Variants in OPRM1 observed in about 807,000 individuals in gnomAD.
OPRM1 encodes mu-type opioid receptor.
A neutral mutation model predicts 31.8 loss-of-function variants in OPRM1; 27 were observed. That is an observed-to-expected ratio of 0.85 (90% CI 0.63 to 1.17). OPRM1 has a LOEUF of 1.17. Ranked by LOEUF, OPRM1 falls within the 50% of genes most tolerant of loss-of-function variation. The probability of loss-of-function intolerance (pLI) is 0.00; values close to 1 mark genes in which losing one functional copy is unlikely to be tolerated. For synonymous variants in OPRM1, 196 were observed against 189.9 expected (o/e 1.03, Z -0.26); for missense variants, 536 against 511.1 (o/e 1.05, Z -0.47).
intron 3 of OPRM1, among the ~76,000 whole-genome samples, chr6:154,111,752 TTTTA>T (rs3070806): frequency 0.9 from 133,649 of 149,246 alleles, 59,936 homozygotes; most frequent in East Asian, 0.98. Flanking sequence ...TATAGTTTAT[TTTTA>T]TTTATTTATT....
chr6:154,232,365 C>T (rs1779789499), intron 3 of OPRM1, among the ~76,000 whole-genome samples: 1 of 152,188 alleles, frequency 6.6e-6, no homozygotes, highest in Admixed American at 6.5e-5. Flanking sequence ...TCTTGAGTAA[C>T]ATCTAATAAG....
intron 3 of OPRM1, chr6:154,093,326 G>A: frequency 6.2e-7 from 1 of 1,613,846 alleles, no homozygotes; most frequent in Non-Finnish European, 8.5e-7. Context: ...GCTTGGTTGT[G>A]TACCCTGGAC....
chr6:154,091,674 T>C (rs762232205), intron 3 of OPRM1: 1 of 1,353,070 alleles, frequency 7.4e-7, no homozygotes, highest in South Asian at 2.1e-5. Flanking sequence ...CATTTAGGTA[T>C]AAAGATACAC....
In OPRM1 at chr6:154,219,985, A is replaced by AGTGTGTGTGT. The variant is rs57450665; in HGVS notation, c.1165-26673_1165-26664dup. Among the ~76,000 whole-genome samples, 395 of 140,134 alleles carry AGTGTGTGTGT rather than the reference A, an allele frequency of 2.8e-3. 1 individual carries two copies. Among genetic ancestry groups the AGTGTGTGTGT allele is most frequent in the African/African-American group, 7.1e-3 (268 of 37,988 alleles). 91.9% of individuals were successfully genotyped at this position (140,134 alleles called of 152,430 possible). On this transcript the variant is annotated intron_variant, in intron 3 of 3. Transcript: ENST00000337049. ...CAGAGCTGAGCGGATACCTGTAAGG[A>AGTGTGTGTGT]GTGTGTGTGTGTGTGTGTGTGTGTG... is the stretch of plus-strand genomic sequence containing the variant.
intron 3 of OPRM1, among the ~76,000 whole-genome samples, chr6:154,180,258 A>C (rs1382463201): frequency 6.6e-6 from 1 of 151,924 alleles, no homozygotes; most frequent in African/African-American, 2.4e-5. Flanking sequence ...CTTTTGTTAG[A>C]CTAGCTTAGG....
At chr6:154,150,848 A>T (rs1343795976) in intron 3 of OPRM1, among the ~76,000 whole-genome samples, 1 of 152,214 alleles carries the variant, frequency 6.6e-6, no homozygotes, top group East Asian at 1.9e-4. Context: ...GATTAGTATT[A>T]ATCAGTATCT....
intron 3 of OPRM1, among the ~76,000 whole-genome samples, chr6:154,221,754 G>C (rs1177535657): frequency 2.0e-5 from 3 of 152,012 alleles, no homozygotes; most frequent in Non-Finnish European, 2.9e-5. Context: ...GGCACCTCTA[G>C]TCCCAGCTAC....
In OPRM1 at chr6:154,091,306, T is replaced by G; in HGVS notation, c.998T>G (p.Leu333Arg). The stretch of plus-strand genomic sequence containing the variant: ...GCTCTAGGTTACACAAACAGCTGCC[T>G]CAACCCAGTCCTTTATGCATTTCTG... ...CIALGYTNSC[L>R]NPVLYAFLDE... The change falls in exon 3 of 4, where the codon CTC becomes CGC. Residue 333 changes from leucine to arginine, a missense_variant. By Grantham distance (102) the Leu-to-Arg change is moderately radical. Transcript: ENST00000330432. 1 of 1,614,234 alleles carries G rather than the reference T, an allele frequency of 6.2e-7. No individual in the cohort carries two copies. The highest frequency in any genetic ancestry group is 8.5e-7 in the Non-Finnish European group (1 of 1,180,042).
intron 3 of OPRM1, among the ~76,000 whole-genome samples, chr6:154,170,136 G>A (rs933850746): frequency 5.9e-5 from 9 of 152,162 alleles, no homozygotes; most frequent in Non-Finnish European, 1.3e-4. Context: ...TTCATCCTTT[G>A]ATGTTGCTTT....
chr6:154,194,792 AT>A (rs34540521), intron 3 of OPRM1, among the ~76,000 whole-genome samples: 14,346 of 152,152 alleles, frequency 0.094, 1,012 homozygotes, highest in African/African-American at 0.19. Context: ...ACTCATAGAG[AT>A]CTTTAGCCAC....
intron 3 of OPRM1, among the ~76,000 whole-genome samples, chr6:154,137,823 AT>A (rs1798096850): frequency 6.6e-6 from 1 of 152,338 alleles, no homozygotes; most frequent in African/African-American, 2.4e-5. Context: ...GACAAGAGGG[AT>A]GTTGGAAGAA....
upstream of OPRM1, among the ~76,000 whole-genome samples, chr6:154,035,603 C>T (rs1779256954): frequency 6.6e-6 from 1 of 152,020 alleles, no homozygotes; most frequent in African/African-American, 2.4e-5. Context: ...ATCATGTGTT[C>T]CATTAACAGC....
At chr6:154,035,080 T>A (rs879674232), upstream of OPRM1, among the ~76,000 whole-genome samples, 2 of 152,214 alleles carry the variant, frequency 1.3e-5, no homozygotes, top group Non-Finnish European at 2.9e-5. Flanking sequence ...TGTGTAATCC[T>A]ATAAACCCTC....
At chr6:154,171,061 G>A (rs1799830043) in intron 3 of OPRM1, among the ~76,000 whole-genome samples, 1 of 152,122 alleles carries the variant, frequency 6.6e-6, no homozygotes, top group Non-Finnish European at 1.5e-5. Context: ...TTAGAAAATA[G>A]TTTGTCCATT....
chr6:154,154,503 TATA>T (rs953009170), intron 3 of OPRM1: 1 of 152,176 alleles, frequency 6.6e-6, no homozygotes, highest in Admixed American at 6.5e-5. Context: ...AGATTTCCAA[TATA>T]ATTAGATCTT....
chr6:154,152,256 AAAGAAAGAAAGAAAAAGAAAAGG>A (rs1798522741), intron 3 of OPRM1, among the ~76,000 whole-genome samples: 1 of 132,306 alleles, frequency 7.6e-6, no homozygotes, highest in African/African-American at 3.9e-5. Context: ...AGAAGAAAGA[AAAGAAAGAAAGAAAAAGAAAAGG>A]AAAGAAAAGG....
At chr6:154,141,516 T>C (rs1174361637) in intron 3 of OPRM1, among the ~76,000 whole-genome samples, 1 of 152,246 alleles carries the variant, frequency 6.6e-6, no homozygotes, top group Non-Finnish European at 1.5e-5. Context: ...GTATCAAGTT[T>C]ATCTTGCAGA....
intron 1 of OPRM1, among the ~76,000 whole-genome samples, chr6:154,058,215 T>A (rs1026223573): frequency 3.9e-5 from 6 of 152,180 alleles, no homozygotes; most frequent in Non-Finnish European, 5.9e-5. Flanking sequence ...TTAAAAAAAA[T>A]TGTATATAAA....
downstream of OPRM1, among the ~76,000 whole-genome samples, chr6:154,136,838 G>A (rs1342445412): frequency 6.6e-6 from 1 of 152,130 alleles, no homozygotes; most frequent in South Asian, 2.1e-4. Context: ...GAGGCAAGCC[G>A]AGCGATAGGT....
Sources: gnomAD v4.1 joint callset for allele counts (sites outside exome capture counted in the v4.1 genomes callset) on GRCh38, gnomAD v4.1.1 for gene constraint, MANE v1.5 for transcripts, NCBI Gene and HGNC (gene_info 2026-07-23, HGNC 2026-07-21) for gene names.